The following TBC1D12 variants were observed in gnomAD, a reference collection of about 807,000 sequenced individuals.
The protein encoded by TBC1D12 is TBC1 domain family member 12.
A neutral mutation model predicts 86.7 loss-of-function variants in TBC1D12; 56 were observed. The ratio of observed to expected loss-of-function variants is 0.65; its 90% confidence interval spans 0.52 to 0.81. The LOEUF (loss-of-function observed/expected upper bound fraction) is 0.81. Ranked by LOEUF, TBC1D12 falls within the 30% of genes least tolerant of loss-of-function variation. TBC1D12 has a pLI of 0.00. For missense variants in TBC1D12, 1,023 were observed against 1,038.8 expected, an observed-to-expected ratio of 0.98 and a Z score of 0.21; for synonymous variants, 421 against 411.7, an observed-to-expected ratio of 1.02 and a Z score of -0.27.
chr10:94,509,587 T>G (rs1321007032), intron 7 of TBC1D12: 2 of 153,442 alleles, frequency 1.3e-5, no homozygotes, highest in Admixed American at 1.3e-4. Context: ...TTTGGCCATG[T>G]GTAGCTCTTC....
rs149291911 is a variant in TBC1D12, at chr10:94,433,221, C to T, written c.972-8675C>T. On this transcript the variant is annotated intron_variant, in intron 1 of 12. Coordinates refer to ENST00000225235, the MANE Select transcript of TBC1D12 (RefSeq NM_015188.2). ...TCTCGGAAACCCTCCTGGGTTCAAG[C>T]GATTCTCCTGCCCCAGCCTCCCGAG... Among the ~76,000 whole-genome samples the T allele has an allele frequency of 9.7e-4, 147 of 152,086 alleles. 5 individuals carry two copies. In the East Asian group the frequency reaches 0.023, roughly 24 times the overall value.
chr10:94,410,971 T>C (rs2054920629), intron 1 of TBC1D12, among the ~76,000 whole-genome samples: 1 of 152,164 alleles, frequency 6.6e-6, no homozygotes, highest in Non-Finnish European at 1.5e-5. Flanking sequence ...AAATATTTAC[T>C]GGTTAAATAC....
rs543463467 is a variant in TBC1D12, at chr10:94,500,140, G to A, written c.1413-81G>A. On this transcript the variant is annotated intron_variant, in intron 5 of 12. Transcript: ENST00000225235. ...AAAATGATTTGATCACTTGGCCATA[G>A]ACTAAAGATAATCCATCATGCAACT... The A allele has an allele frequency of 4.1e-5, 52 of 1,259,946 alleles. 1 individual carries two copies. The South Asian group carries it at 6.3e-4, about 15-fold the overall frequency. 78.0% of individuals were successfully genotyped at this position (1,259,946 alleles called of 1,614,324 possible). A position where few individuals can be genotyped will look rare whatever the true frequency, so the allele number is the denominator to read the frequency against.
chr10:94,470,050 T>C (rs1049930830), intron 2 of TBC1D12, among the ~76,000 whole-genome samples: 1 of 152,224 alleles, frequency 6.6e-6, no homozygotes, highest in African/African-American at 2.4e-5. Context: ...CCAATTTGTA[T>C]ATACCTAACT....
chr10:94,440,035 T>C (rs1014081990), intron 1 of TBC1D12, among the ~76,000 whole-genome samples: 2 of 152,242 alleles, frequency 1.3e-5, no homozygotes, highest in Admixed American at 6.5e-5. Context: ...AGTGATCTTA[T>C]GAAGTAGAGA....
chr10:94,432,065 C>T (rs922430741), intron 1 of TBC1D12, among the ~76,000 whole-genome samples: 3 of 151,986 alleles, frequency 2.0e-5, no homozygotes, highest in Non-Finnish European at 4.4e-5. Context: ...GCTAAGAAGC[C>T]TTTAGTGTTG....
intron 3 of TBC1D12, among the ~76,000 whole-genome samples, chr10:94,477,299 G>A (rs1279067114): frequency 4.6e-5 from 7 of 152,098 alleles, no homozygotes; most frequent in African/African-American, 1.4e-4. Context: ...GTGGGGGGAC[G>A]TTATTTGTAT....
chr10:94,402,877 T>TA lies in TBC1D12; in HGVS notation c.264_265insA (p.Pro89ThrfsTer36). 6.6e-7 allele frequency: 1 copy of TA among 1,509,314 alleles called. No individual in the cohort carries two copies. The highest frequency in any genetic ancestry group is 8.8e-7 in the Non-Finnish European group (1 of 1,133,210). The allele number at this position is 1,509,314 out of a possible 1,614,324, so 93.5% of individuals were successfully genotyped here. On this transcript the variant is annotated frameshift_variant, in exon 1 of 13. Coordinates refer to ENST00000225235, the MANE Select transcript of TBC1D12 (RefSeq NM_015188.2). LOFTEE classifies it high-confidence loss of function. Reference sequence around the variant, plus strand: ...AGCTGGAGCCGGGGCTCTGCTACTGTCCGCTCCCCGCTGGCCAGGCCGGCG... The same window carrying TA: ...AGCTGGAGCCGGGGCTCTGCTACTGTACCGCTCCCCGCTGGCCAGGCCGGCG...
At chr10:94,432,778 G>T (rs1487690569) in intron 1 of TBC1D12, among the ~76,000 whole-genome samples, 1 of 130,950 alleles carries the variant, frequency 7.6e-6, no homozygotes, top group Non-Finnish European at 1.7e-5. Context: ...TTTTATTTTG[G>T]AGGTTTTTTT....
At chr10:94,472,412 C>T (rs185277822) in intron 2 of TBC1D12, among the ~76,000 whole-genome samples, 2 of 152,278 alleles carry the variant, frequency 1.3e-5, no homozygotes, top group Admixed American at 6.5e-5. Context: ...AGGGCTCTAA[C>T]AGTGCATGGT....
At chr10:94,434,623 G>T (rs1280217867) in intron 1 of TBC1D12, among the ~76,000 whole-genome samples, 1 of 151,226 alleles carries the variant, frequency 6.6e-6, no homozygotes, top group African/African-American at 2.4e-5. Context: ...CTAGTATTTT[G>T]GGGCTGGATG....
intron 2 of TBC1D12, among the ~76,000 whole-genome samples, chr10:94,448,005 A>G (rs1387078246): frequency 1.3e-5 from 2 of 151,802 alleles, no homozygotes; most frequent in Non-Finnish European, 2.9e-5. Context: ...TGTAGTGCTT[A>G]GATGATCAAG....
intron 1 of TBC1D12, among the ~76,000 whole-genome samples, chr10:94,438,424 T>TA (rs34411205): frequency 0.51 from 78,171 of 151,888 alleles, 20,541 homozygotes; most frequent in East Asian, 0.82. Context: ...ATTGTTCTAA[T>TA]AATACTTACA....
intron 2 of TBC1D12, among the ~76,000 whole-genome samples, chr10:94,457,264 A>C: frequency 6.7e-6 from 1 of 149,434 alleles, no homozygotes; most frequent in Non-Finnish European, 1.5e-5. Flanking sequence ...TTGTCTCCCC[A>C]CCCCCTGACA....
rs2134037193 is a variant in TBC1D12 at position 94,402,942 on chromosome 10, T to A, written c.329T>A (p.Leu110Gln). 6.4e-7 allele frequency: 1 copy of A among 1,557,734 alleles called. No homozygotes were observed. Among genetic ancestry groups the A allele is most frequent in the East Asian group, 2.5e-5 (1 of 39,728 alleles). The change falls in exon 1 of 13, where the codon CTG (leucine) becomes CAG (glutamine). Residue 110 changes from leucine to glutamine, a missense_variant. Transcript: ENST00000225235. The stretch of plus-strand genomic sequence containing the variant: ...GCAGCCCCACGATCGGACGCCTGCC[T>A]GCTGGGCTCGGGCTCCAAACACCGC... ...PSAAPRSDAC[L>Q]LGSGSKHRGA...
At chr10:94,520,624 C>T (rs1354151103) in intron 9 of TBC1D12, among the ~76,000 whole-genome samples, 1 of 151,988 alleles carries the variant, frequency 6.6e-6, no homozygotes, top group Non-Finnish European at 1.5e-5. Context: ...CCTTTCAAAA[C>T]ACTTGGCTGG....
At chr10:94,427,379 T>A (rs759391810) in intron 1 of TBC1D12, among the ~76,000 whole-genome samples, 1 of 152,240 alleles carries the variant, frequency 6.6e-6, no homozygotes, top group African/African-American at 2.4e-5. Flanking sequence ...TTGAATATCT[T>A]AGATACTACC....
chr10:94,419,387 T>C (rs1432709658), intron 1 of TBC1D12, among the ~76,000 whole-genome samples: 2 of 152,100 alleles, frequency 1.3e-5, no homozygotes, highest in Non-Finnish European at 2.9e-5. Flanking sequence ...TCAATAAAAC[T>C]TAAAAGGCCG....
chr10:94,465,645 T>TAAAAA, intron 2 of TBC1D12, among the ~76,000 whole-genome samples: 1 of 131,226 alleles, frequency 7.6e-6, no homozygotes, highest in East Asian at 2.2e-4. Flanking sequence ...GACTCTTGCC[T>TAAAAA]AAAAAAAAAA....
Sources: gnomAD v4.1 joint callset for allele counts (sites outside exome capture counted in the v4.1 genomes callset) on GRCh38, gnomAD v4.1.1 for gene constraint, MANE v1.5 for transcripts, NCBI Gene and HGNC (gene_info 2026-07-23, HGNC 2026-07-21) for gene names.